SLC28A3: variants seen among roughly 807,000 people sequenced by gnomAD.
SLC28A3 encodes solute carrier family 28 member 3.
SLC28A3 carries 68 observed loss-of-function variants against 84.2 expected under a neutral mutation model. That is an observed-to-expected ratio of 0.81 (90% confidence interval 0.66 to 0.99). SLC28A3 has a LOEUF of 0.99. Among genes scored for constraint, SLC28A3 ranks in the 50% least tolerant of loss-of-function variants. The probability of loss-of-function intolerance (pLI) is 0.00; values close to 1 mark genes in which losing one functional copy is unlikely to be tolerated. For synonymous variants in SLC28A3, 267 were observed against 303.6 expected (o/e 0.88, Z 1.25); for missense variants, 712 against 841.5 (o/e 0.85, Z 1.90).
rs1248576234 is a variant in SLC28A3, at chr9:84,297,270, G to A, written c.812C>T (p.Ala271Val). ...GTATTTCTCACCAAAGACAAATGAA[G>A]CACCAGCATCTGTGTACTCCAGAAA... Reference protein sequence around the residue: ...QTFLEYTDAGASFVFGEKYKD... With the variant: ...QTFLEYTDAGVSFVFGEKYKD... Residue 271 changes from alanine to valine, a missense_variant, in exon 8 of 18, where the codon GCT becomes GTT. Ala to Val is a moderately conservative substitution (Grantham distance 64). Transcript: ENST00000376238. 6.2e-7 allele frequency: 1 copy of A among 1,613,334 alleles called. No individual in the cohort carries two copies. Among genetic ancestry groups the A allele is most frequent in the Non-Finnish European group, 8.5e-7 (1 of 1,179,786 alleles).
In SLC28A3 at chr9:84,325,157, A is replaced by G. The variant is rs111766930; in HGVS notation, c.61-11703T>C. 6.6e-5 allele frequency among the ~76,000 whole-genome samples: 10 copies of G among 152,232 alleles called. 3 individuals are homozygous for G. The highest frequency in any genetic ancestry group is 6.2e-4 in the South Asian group (3 of 4,818). On this transcript the variant is annotated intron_variant, in intron 1 of 17. Transcript: ENST00000376238. ...TGTCTATTCCTGTTTGCCTTTCTTTACTACTCTTTTTATCTCCCAGCTCAT... is the reference window on the plus strand; with the variant it reads ...TGTCTATTCCTGTTTGCCTTTCTTTGCTACTCTTTTTATCTCCCAGCTCAT...
intron 1 of SLC28A3, among the ~76,000 whole-genome samples, chr9:84,322,132 TC>T (rs1388380582): frequency 6.6e-6 from 1 of 152,258 alleles, no homozygotes; most frequent in East Asian, 1.9e-4. Context: ...ACAACACCTG[TC>T]TGTGAAGCAA....
the SLC28A3 span, among the ~76,000 whole-genome samples, chr9:84,355,077 AT>A: frequency 6.6e-6 from 1 of 151,990 alleles, no homozygotes; most frequent in East Asian, 1.9e-4. Context: ...AGCAGGGATA[AT>A]CAATTGGAAT....
intron 5 of SLC28A3, among the ~76,000 whole-genome samples, chr9:84,300,073 C>T (rs761926275): frequency 2.0e-5 from 3 of 152,048 alleles, no homozygotes; most frequent in Non-Finnish European, 4.4e-5. Context: ...ATTACAGGTG[C>T]GAGCCACCAC....
chr9:84,287,552 T>C (rs1476968054), intron 12 of SLC28A3, among the ~76,000 whole-genome samples: 3 of 152,308 alleles, frequency 2.0e-5, no homozygotes, highest in South Asian at 2.1e-4. Flanking sequence ...GGAAATGTAT[T>C]GACATTAGGT....
intron 15 of SLC28A3, among the ~76,000 whole-genome samples, chr9:84,280,497 C>T (rs1291935303): frequency 1.3e-5 from 2 of 152,194 alleles, no homozygotes; most frequent in South Asian, 2.1e-4. Flanking sequence ...CTTCCAATGG[C>T]TCTCAGAATC....
intron 1 of SLC28A3, among the ~76,000 whole-genome samples, chr9:84,327,772 G>A (rs181778619): frequency 9.5e-4 from 145 of 151,954 alleles, no homozygotes; most frequent in Non-Finnish European, 1.6e-3. Flanking sequence ...ACAAAAATTA[G>A]CCGAGCATGG....
At chr9:84,352,192 C>T in the SLC28A3 span, among the ~76,000 whole-genome samples, 6 of 150,678 alleles carry the variant, frequency 4.0e-5, no homozygotes, top group East Asian at 1.9e-4. Flanking sequence ...AAAAATTTTG[C>T]TTTTTTTTTA....
Position 84,278,078 on chromosome 9 carries a change from G to A in SLC28A3, c.*140C>T. The A allele has an allele frequency of 3.4e-6, 4 of 1,170,768 alleles. No individual in the cohort carries two copies. The highest frequency in any genetic ancestry group is 1.8e-5 in the South Asian group (1 of 54,168). The allele number at this position is 1,170,768 out of a possible 1,614,324, so 72.5% of individuals were successfully genotyped here. A position where few individuals can be genotyped will look rare whatever the true frequency, so the allele number is the denominator to read the frequency against. ...GTTGTAGCTTTGAAGGTCCACTCTT[G>A]TTTTTCTTCATTCCTTGCAATTAAA... On this transcript the variant is annotated 3_prime_UTR_variant, in exon 18 of 18. Coordinates refer to ENST00000376238, the MANE Select transcript of SLC28A3 (RefSeq NM_001199633.2).
chr9:84,278,878 GA>G lies in SLC28A3; in HGVS notation c.1949+386del, dbSNP rs34802574. ...TCCCTAAGCCTTAATTTTGTGGAAT[GA>G]AAAAAAAAAAAAAAAGATAGTGCCC... is the stretch of plus-strand genomic sequence containing the variant. On this transcript the variant is annotated intron_variant, in intron 17 of 17. Transcript: ENST00000376238. 4.9e-3 allele frequency among the ~76,000 whole-genome samples: 587 copies of G among 120,620 alleles called. 2 individuals carry two copies. Among genetic ancestry groups the G allele is most frequent in the Middle Eastern group, 0.013 (3 of 232 alleles). 79.1% of individuals were successfully genotyped at this position (120,620 alleles called of 152,430 possible). A position where few individuals can be genotyped will look rare whatever the true frequency, so the allele number is the denominator to read the frequency against.
At chr9:84,318,761 C>T (rs1278681520) in intron 1 of SLC28A3, among the ~76,000 whole-genome samples, 2 of 151,626 alleles carry the variant, frequency 1.3e-5, no homozygotes, top group Admixed American at 6.6e-5. Flanking sequence ...CCCAGCTACT[C>T]GGGAGGGTGA....
intron 16 of SLC28A3, among the ~76,000 whole-genome samples, chr9:84,279,754 C>A (rs986881358): frequency 1.3e-5 from 2 of 152,220 alleles, no homozygotes; most frequent in Non-Finnish European, 2.9e-5. Flanking sequence ...TGCACCCGGC[C>A]CCATTTATTT....
the SLC28A3 span, among the ~76,000 whole-genome samples, chr9:84,352,330 C>T: frequency 6.6e-6 from 1 of 151,878 alleles, no homozygotes; most frequent in South Asian, 2.1e-4. Context: ...ATTACAGGCA[C>T]CCGCCATCAC....
At chr9:84,289,961 C>T (rs767735035) in intron 11 of SLC28A3, 193 bp downstream of exon 11, 4 of 491,612 alleles carry the variant, frequency 8.1e-6, no homozygotes, top group African/African-American at 1.9e-5. Context: ...ATTTAGGCAG[C>T]AGGTATATGA....
rs56350726 is a variant in SLC28A3, at chr9:84,285,454, T to A, written c.1538A>T (p.Tyr513Phe). 106,767 of 1,614,062 alleles carry A rather than the reference T, an allele frequency of 0.066. 4,117 individuals carry two copies. Among genetic ancestry groups the A allele is most frequent in the African/African-American group, 0.15 (11,326 of 74,996 alleles). ...DSFMVARLIG[Y>F]KTFFNEFVAY... ...CACAAATTCATTGAAGAAGGTCTTA[T>A]AACCTATGAGTCTGGCAACCATAAA... Residue 513 changes from tyrosine (Y) to phenylalanine (F), a missense_variant, in exon 14 of 18, where the codon TAT becomes TTT. Tyr to Phe is a conservative substitution (Grantham distance 22, BLOSUM62 3). Transcript: ENST00000376238.
chr9:84,329,988 A>G (rs1422093317), intron 1 of SLC28A3, among the ~76,000 whole-genome samples: 1 of 152,220 alleles, frequency 6.6e-6, no homozygotes, highest in Admixed American at 6.5e-5. Flanking sequence ...TAAGATCTCA[A>G]ATCAATAATC....
At chr9:84,284,790 A>G (rs866277020) in intron 14 of SLC28A3, among the ~76,000 whole-genome samples, 1 of 152,200 alleles carries the variant, frequency 6.6e-6, no homozygotes, top group South Asian at 2.1e-4. Flanking sequence ...CTTTCAGATC[A>G]CAGACTCTGA....
chr9:84,352,561 A>C, the SLC28A3 span, among the ~76,000 whole-genome samples: 1 of 152,036 alleles, frequency 6.6e-6, no homozygotes. Flanking sequence ...ATAAGGATTA[A>C]AAATTTTGGT....
At chr9:84,366,514 G>A in the SLC28A3 span, among the ~76,000 whole-genome samples, 1 of 152,120 alleles carries the variant, frequency 6.6e-6, no homozygotes, top group African/African-American at 2.4e-5. Flanking sequence ...GTCTGGGCTT[G>A]TTAGTACCTG....
Sources: gnomAD v4.1 joint callset for allele counts (sites outside exome capture counted in the v4.1 genomes callset) on GRCh38, gnomAD v4.1.1 for gene constraint, MANE v1.5 for transcripts, NCBI Gene and HGNC (gene_info 2026-07-23, HGNC 2026-07-21) for gene names.